RIT2: variants seen among roughly 807,000 people sequenced by gnomAD.
RIT2 encodes the protein GTP-binding protein Rit2.
RIT2 carries 24 observed loss-of-function variants against 23.7 expected under a neutral mutation model. The observed-to-expected ratio is 1.01, with a 90% CI of 0.73 to 1.43. The LOEUF (loss-of-function observed/expected upper bound fraction) is 1.43. RIT2 is among the 40% of genes most tolerant of loss of function. The pLI, the probability that RIT2 is intolerant of heterozygous loss-of-function variation, is 0.00. For synonymous variants in RIT2, 107 were observed against 91.1 expected (o/e 1.17, Z -0.99); for missense variants, 236 against 266.9 (o/e 0.88, Z 0.81).
intron 2 of RIT2, among the ~76,000 whole-genome samples, chr18:42,979,969 C>A (rs1322259653): frequency 6.6e-6 from 1 of 152,104 alleles, no homozygotes; most frequent in African/African-American, 2.4e-5. Flanking sequence ...AAGGTCAGTT[C>A]TTCAAGTGAT....
intron 4 of RIT2, among the ~76,000 whole-genome samples, chr18:42,838,205 G>GTT (rs990702078): frequency 1.3e-5 from 2 of 151,044 alleles, no homozygotes; most frequent in Non-Finnish European, 3.0e-5. Context: ...TTGTGCATAT[G>GTT]TTTTTTTTTC....
intron 4 of RIT2, among the ~76,000 whole-genome samples, chr18:42,746,953 A>G (rs1200163496): frequency 3.3e-5 from 5 of 152,096 alleles, no homozygotes; most frequent in African/African-American, 1.2e-4. Flanking sequence ...GTAGCACTGA[A>G]TGGGGAAAAG....
chr18:43,073,265 T>C (rs1912938426), intron 1 of RIT2, among the ~76,000 whole-genome samples: 1 of 152,222 alleles, frequency 6.6e-6, no homozygotes, highest in African/African-American at 2.4e-5. Flanking sequence ...CCTCCACTTG[T>C]TTGCCGTTTA....
At position 43,092,708 on chromosome 18, in the gene RIT2, C is replaced by T. The variant is rs76513878; in HGVS notation, c.103+22709G>A. ...AGCTCAGCTTGAAGGCAGCATTTTA[C>T]GTCAAAACAGTTTCTCAATATCAAG... On this transcript the variant is annotated intron_variant, in intron 1 of 4. Coordinates refer to ENST00000326695, the MANE Select transcript of RIT2 (RefSeq NM_002930.4). Among the ~76,000 whole-genome samples the T allele has an allele frequency of 6.8e-3, 1,039 of 152,084 alleles. 8 individuals are homozygous for T. Among genetic ancestry groups the T allele is most frequent in the South Asian group, 0.016 (78 of 4,822 alleles).
intron 3 of RIT2, among the ~76,000 whole-genome samples, chr18:42,960,286 G>C (rs1910065543): frequency 6.6e-6 from 1 of 152,066 alleles, no homozygotes; most frequent in Non-Finnish European, 1.5e-5. Context: ...TGAGGATTGA[G>C]GTCCTGACAA....
intron 1 of RIT2, among the ~76,000 whole-genome samples, chr18:43,112,084 G>A (rs1913966302): frequency 6.6e-6 from 1 of 152,080 alleles, no homozygotes; most frequent in Non-Finnish European, 1.5e-5. Flanking sequence ...AAATCAAAGT[G>A]ATAGCCTAGA....
At chr18:42,787,963 C>G (rs968834271) in intron 4 of RIT2, among the ~76,000 whole-genome samples, 2 of 150,882 alleles carry the variant, frequency 1.3e-5, no homozygotes, top group Non-Finnish European at 3.0e-5. Context: ...TAAAATTTAA[C>G]AATTAAAAAT....
chr18:43,030,384 C>A (rs1395906381), intron 2 of RIT2, among the ~76,000 whole-genome samples: 2 of 151,930 alleles, frequency 1.3e-5, no homozygotes, highest in Non-Finnish European at 2.9e-5. Flanking sequence ...CAGAAAAGGG[C>A]TTGACTAGTT....
At chr18:43,098,487 C>T (rs1163668030) in intron 1 of RIT2, among the ~76,000 whole-genome samples, 1 of 151,736 alleles carries the variant, frequency 6.6e-6, no homozygotes, top group Admixed American at 6.6e-5. Flanking sequence ...ATAATAAATG[C>T]TTTTATTGAA....
At chr18:42,795,487 C>T (rs1013935099) in intron 4 of RIT2, among the ~76,000 whole-genome samples, 20 of 152,334 alleles carry the variant, frequency 1.3e-4, no homozygotes, top group African/African-American at 3.6e-4. Flanking sequence ...GGCTCGGGAC[C>T]GGCAGCCCGC....
intron 4 of RIT2, among the ~76,000 whole-genome samples, chr18:42,793,137 CTAATA>C (rs1427507316): frequency 6.6e-6 from 1 of 152,032 alleles, no homozygotes; most frequent in African/African-American, 2.4e-5. Context: ...TGAATGGACT[CTAATA>C]TAAGACCTGC....
At chr18:43,040,449 C>A (rs1327188499) in intron 1 of RIT2, among the ~76,000 whole-genome samples, 1 of 152,066 alleles carries the variant, frequency 6.6e-6, no homozygotes, top group Non-Finnish European at 1.5e-5. Context: ...GGAAGATGAC[C>A]ATTGTGTTCT....
rs988389661 is a variant in RIT2 at position 42,769,678 on chromosome 18, A to G, written c.427-25958T>C. Among the ~76,000 whole-genome samples the G allele has an allele frequency of 2.0e-5, 3 of 151,960 alleles. No individual in the cohort carries two copies. In the East Asian group the frequency reaches 5.8e-4, roughly 29 times the overall value. On this transcript the variant is annotated intron_variant, in intron 4 of 4. Transcript: ENST00000326695. The stretch of plus-strand genomic sequence containing the variant: ...TCTCTTTCCATCTCATAGGACTCAG[A>G]GGGCCACTCTATCTATGATTCCCTG...
At chr18:42,800,823 G>C (rs182534611) in intron 4 of RIT2, among the ~76,000 whole-genome samples, 2 of 152,124 alleles carry the variant, frequency 1.3e-5, no homozygotes, top group African/African-American at 4.8e-5. Flanking sequence ...GAGCCACCGC[G>C]TCCGGCCAGC....
At chr18:43,059,436 G>A (rs1011160164) in intron 1 of RIT2, among the ~76,000 whole-genome samples, 12 of 152,198 alleles carry the variant, frequency 7.9e-5, no homozygotes, top group South Asian at 6.2e-4. Context: ...AAGCTTGAGC[G>A]ATATCAGGAG....
At chr18:42,780,904 A>T (rs1007941680) in intron 4 of RIT2, among the ~76,000 whole-genome samples, 3 of 151,456 alleles carry the variant, frequency 2.0e-5, no homozygotes, top group Admixed American at 2.0e-4. Context: ...TTTGGTTCAC[A>T]CATTCAATTT....
intron 2 of RIT2, among the ~76,000 whole-genome samples, chr18:43,020,513 T>C (rs1397911190): frequency 6.6e-6 from 1 of 151,344 alleles, no homozygotes; most frequent in African/African-American, 2.4e-5. Flanking sequence ...ACAAAAAAAA[T>C]GCATATGAAA....
At chr18:42,846,107 G>A (rs1052442927) in intron 4 of RIT2, among the ~76,000 whole-genome samples, 7 of 151,850 alleles carry the variant, frequency 4.6e-5, no homozygotes, top group Admixed American at 1.3e-4. Context: ...AAAAAACAGC[G>A]ATTTAGTTGT....
chr18:42,765,666 G>A (rs1913404384), intron 4 of RIT2, among the ~76,000 whole-genome samples: 1 of 152,286 alleles, frequency 6.6e-6, no homozygotes, highest in Non-Finnish European at 1.5e-5. Flanking sequence ...TAACGGGAAA[G>A]ACTATTCTAT....
Sources: gnomAD v4.1 joint callset for allele counts (sites outside exome capture counted in the v4.1 genomes callset) on GRCh38, gnomAD v4.1.1 for gene constraint, MANE v1.5 for transcripts, NCBI Gene and HGNC (gene_info 2026-07-23, HGNC 2026-07-21) for gene names.